Variants in CSNK2A1 observed in about 807,000 individuals in gnomAD.
The protein encoded by CSNK2A1 is casein kinase 2 alpha 1.
Under a neutral mutation model 62.9 loss-of-function variants are expected in CSNK2A1, and 10 were observed. The observed-to-expected ratio is 0.16, with a 90% CI of 0.10 to 0.27. The LOEUF (loss-of-function observed/expected upper bound fraction) is 0.27, where lower values mean the gene tolerates loss of function less well. CSNK2A1 is among the 10% of genes least tolerant of loss of function. CSNK2A1 has a pLI of 1.00. For synonymous variants in CSNK2A1, 124 were observed against 167.8 expected (o/e 0.74, Z 2.02); for missense variants, 160 against 492.0 (o/e 0.33, Z 6.38).
chr20:486,663 G>T, intron 12 of CSNK2A1: 1 of 521,192 alleles, frequency 1.9e-6, no homozygotes. Context: ...ATCAAACTGT[G>T]GTAAAAGCTA....
chr20:538,591 A>G (rs914265560), intron 1 of CSNK2A1, among the ~76,000 whole-genome samples: 6 of 152,244 alleles, frequency 3.9e-5, no homozygotes, highest in African/African-American at 1.4e-4. Flanking sequence ...CTTAAAAGCT[A>G]GAAACTCCAT....
rs1310573094 is a variant in CSNK2A1, at chr20:486,304, A to G, written c.1060+72T>C. The stretch of plus-strand genomic sequence containing the variant: ...TACGGAGAAGAGAAGGTATACAAGA[A>G]ATCAGACCACAAAGCTAAGAACAGT... On this transcript the variant is annotated intron_variant, in intron 13 of 13. Coordinates refer to ENST00000217244, the MANE Select transcript of CSNK2A1 (RefSeq NM_177559.3). 7.6e-6 allele frequency: 12 copies of G among 1,574,302 alleles called. No homozygotes were observed. In the South Asian group the frequency reaches 1.1e-4, roughly 15 times the overall value.
At chr20:536,713 T>C (rs1398066849) in intron 1 of CSNK2A1, among the ~76,000 whole-genome samples, 1 of 152,146 alleles carries the variant, frequency 6.6e-6, no homozygotes, top group Non-Finnish European at 1.5e-5. Flanking sequence ...ACAAAGCAAA[T>C]AGGAGTTATT....
At chr20:502,538 T>C (rs2018492766) in intron 4 of CSNK2A1, 1 of 152,210 alleles carries the variant, frequency 6.6e-6, no homozygotes, top group Non-Finnish European at 1.5e-5. Context: ...TCTTATTAAA[T>C]AGGGGAGATT....
intron 2 of CSNK2A1, among the ~76,000 whole-genome samples, chr20:515,326 T>C (rs754526520): frequency 1.3e-5 from 2 of 152,308 alleles, no homozygotes; most frequent in South Asian, 2.1e-4. Flanking sequence ...GTGCACAAGA[T>C]AGGTTTTGGA....
chr20:520,807 G>T (rs542767329), intron 2 of CSNK2A1, among the ~76,000 whole-genome samples: 496 of 152,102 alleles, frequency 3.3e-3, no homozygotes, highest in African/African-American at 0.011. Flanking sequence ...AAATTGTTTT[G>T]GAAGACTTGG....
chr20:505,040 G>A, intron 4 of CSNK2A1, 78 bp downstream of exon 4: 1 of 1,251,826 alleles, frequency 8.0e-7, no homozygotes. Flanking sequence ...CCTTTTAAAT[G>A]CTGTTTTAAA....
chr20:487,612 G>A (rs370139986), intron 11 of CSNK2A1, 37 bp from the exon 12 acceptor site: 6 of 1,613,276 alleles, frequency 3.7e-6, no homozygotes, highest in Non-Finnish European at 3.4e-6. Context: ...AATGGGCCAC[G>A]TGGGCACAGA....
chr20:489,512 GTT>G (rs1476880077), intron 10 of CSNK2A1: 1 of 415,392 alleles, frequency 2.4e-6, no homozygotes, highest in East Asian at 3.4e-5. Context: ...GGAGATAAGG[GTT>G]TATTAGGAGA....
chr20:494,533 G>C (rs1279587654), intron 8 of CSNK2A1: 1 of 152,214 alleles, frequency 6.6e-6, no homozygotes, highest in Non-Finnish European at 1.5e-5. Flanking sequence ...CAATGTATGA[G>C]AGATCAAGTT....
In CSNK2A1 at chr20:480,895, T is replaced by G. The variant is rs1357313950; in HGVS notation, c.*3066A>C. 1 of 152,284 alleles carries G rather than the reference T, an allele frequency of 6.6e-6. No individual in the cohort carries two copies. Among genetic ancestry groups the G allele is most frequent in the East Asian group, 1.9e-4 (1 of 5,206 alleles). The allele number at this position is 152,284 out of a possible 1,614,324, so 9.4% of individuals were successfully genotyped here. The stretch of plus-strand genomic sequence containing the variant: ...CTGTCAACCAATCTCTAATTTTCTC[T>G]GCTACTTTAGGACTATAGTAATTAG... On this transcript the variant is annotated 3_prime_UTR_variant, in exon 14 of 14. Transcript: ENST00000217244.
In CSNK2A1 at chr20:478,667, G is replaced by C. The variant is rs935918036; in HGVS notation, c.*5294C>G. ...TAGTGGGCCAGGTGTGGTGGCTCAT[G>C]CCTCTAATCTCAGCACTTTGGGAGG... On this transcript the variant is annotated 3_prime_UTR_variant, in exon 14 of 14. Transcript: ENST00000217244. The C allele has an allele frequency of 2.1e-5, 9 of 431,152 alleles. No individual in the cohort carries two copies. Among genetic ancestry groups the C allele is most frequent in the African/African-American group, 1.9e-4 (9 of 47,398 alleles). 26.7% of individuals were successfully genotyped at this position (431,152 alleles called of 1,614,324 possible). A position where few individuals can be genotyped will look rare whatever the true frequency, so the allele number is the denominator to read the frequency against.
At chr20:507,649 G>C (rs1468198411) in intron 3 of CSNK2A1, 1 of 152,212 alleles carries the variant, frequency 6.6e-6, no homozygotes, top group African/African-American at 2.4e-5. Context: ...AAATGTTTAA[G>C]AATTTAATTG....
At chr20:514,241 G>A (rs867234282) in intron 2 of CSNK2A1, among the ~76,000 whole-genome samples, 25 of 152,058 alleles carry the variant, frequency 1.6e-4, no homozygotes, top group African/African-American at 5.5e-4. Context: ...GTACTTGGTA[G>A]GCTGAGATGG....
chr20:511,701 T>TATAC (rs1336618535), intron 2 of CSNK2A1, among the ~76,000 whole-genome samples: 2 of 103,492 alleles, frequency 1.9e-5, no homozygotes, highest in African/African-American at 5.5e-5. Flanking sequence ...TGTGTATATA[T>TATAC]ATACACACAC....
At chr20:504,479 TG>T (rs2018535525) in intron 4 of CSNK2A1, 1 of 152,242 alleles carries the variant, frequency 6.6e-6, no homozygotes, top group African/African-American at 2.4e-5. Context: ...GCCTGTGCAT[TG>T]TTTTTTTAAA....
At chr20:487,699 A>G in intron 11 of CSNK2A1, 124 bp from the exon 12 acceptor site, 2 of 1,359,832 alleles carry the variant, frequency 1.5e-6, no homozygotes, top group East Asian at 4.7e-5. Context: ...CAAACTCAAG[A>G]GGGTAGTCTT....
chr20:526,847 G>GGAT (rs1276389824), intron 2 of CSNK2A1: 1 of 152,016 alleles, frequency 6.6e-6, no homozygotes, highest in African/African-American at 2.4e-5. Flanking sequence ...CCCAGCAGGA[G>GGAT]GATAAGGCAG....
chr20:486,329 T>C, intron 13 of CSNK2A1, 47 bp downstream of exon 13: 1 of 1,606,968 alleles, frequency 6.2e-7, no homozygotes, highest in African/African-American at 1.3e-5. Context: ...CTAAGAACAG[T>C]AATTGACTTC....
Sources: allele counts gnomAD v4.1 joint callset (sites outside exome capture counted in the v4.1 genomes callset), GRCh38; gene constraint gnomAD v4.1.1; transcripts MANE v1.5; gene names NCBI Gene and HGNC (gene_info 2026-07-23, HGNC 2026-07-21).